Variants in GOLM2 observed in about 807,000 individuals in gnomAD.
The protein encoded by GOLM2 is golgi membrane protein 2.
Under a neutral mutation model 55.9 loss-of-function variants are expected in GOLM2, and 26 were observed. That is an observed-to-expected ratio of 0.47 (90% CI 0.34 to 0.65). The LOEUF is 0.65. Among genes scored for constraint, GOLM2 ranks in the 30% least tolerant of loss-of-function variants. GOLM2 has a pLI of 0.01. For missense variants in GOLM2, 486 were observed against 531.8 expected, an observed-to-expected ratio of 0.91 and a Z score of 0.85; for synonymous variants, 165 against 194.6, an observed-to-expected ratio of 0.85 and a Z score of 1.27.
At chr15:44,366,419 A>G (rs927967795) in intron 6 of GOLM2, among the ~76,000 whole-genome samples, 1 of 152,034 alleles carries the variant, frequency 6.6e-6, no homozygotes, top group African/African-American at 2.4e-5. Context: ...AGGCAGGAGG[A>G]TCGCTTGAGT....
chr15:44,409,905 G>C (rs931099671), intron 9 of GOLM2: 6 of 139,720 alleles, frequency 4.3e-5, no homozygotes, highest in African/African-American at 1.3e-4. Context: ...AACAGAGCAA[G>C]ACTTCGTCTA....
intron 1 of GOLM2, among the ~76,000 whole-genome samples, chr15:44,315,177 G>C (rs1176853497): frequency 6.6e-6 from 1 of 152,162 alleles, no homozygotes; most frequent in African/African-American, 2.4e-5. Flanking sequence ...AGCCAGGTTT[G>C]GCAGTTATGT....
chr15:44,407,236 T>C lies in GOLM2; in HGVS notation c.1240+4182T>C, dbSNP rs1405566937. Among the ~76,000 whole-genome samples, 3 of 147,082 alleles carry C rather than the reference T, an allele frequency of 2.0e-5. No homozygotes were observed. In the Admixed American group the frequency reaches 2.1e-4, roughly 10 times the overall value. ...TTATATATTTAATATATTTATATTA[T>C]AATTTATGATATATTTATATTATAT... On this transcript the variant is annotated intron_variant, in intron 9 of 9. Coordinates refer to ENST00000299957, the MANE Select transcript of GOLM2 (RefSeq NM_138423.4).
At chr15:44,401,513 A>G (rs1310173761) in intron 8 of GOLM2, among the ~76,000 whole-genome samples, 2 of 152,158 alleles carry the variant, frequency 1.3e-5, no homozygotes, top group Non-Finnish European at 2.9e-5. Flanking sequence ...TGGCCTCCCA[A>G]AGTACTGCTA....
At position 44,413,517 on chromosome 15, in the gene GOLM2, T is replaced by C; in HGVS notation, c.*111T>C. On this transcript the variant is annotated 3_prime_UTR_variant, in exon 10 of 10. Transcript: ENST00000299957. ...GAATTGTATCAGTTGTAAAGATACA[T>C]TGAGATAGAATTAAGGAAAAACTTT... The C allele has an allele frequency of 5.2e-6, 4 of 763,884 alleles. No homozygotes were observed. The South Asian group carries it at 7.1e-5, about 13-fold the overall frequency. The allele number at this position is 763,884 out of a possible 1,614,324, so 47.3% of individuals were successfully genotyped here.
At chr15:44,395,805 A>T (rs967678730) in intron 8 of GOLM2, among the ~76,000 whole-genome samples, 3 of 152,052 alleles carry the variant, frequency 2.0e-5, no homozygotes, top group Non-Finnish European at 4.4e-5. Context: ...ACGCTACTGC[A>T]CTCCAGCCTG....
intron 6 of GOLM2, among the ~76,000 whole-genome samples, chr15:44,360,366 A>C (rs1373346264): frequency 6.6e-6 from 1 of 152,216 alleles, no homozygotes; most frequent in African/African-American, 2.4e-5. Flanking sequence ...AGATCTACCA[A>C]GCAAATGGAA....
At chr15:44,367,943 C>G (rs1369045032) in intron 6 of GOLM2, among the ~76,000 whole-genome samples, 3 of 151,762 alleles carry the variant, frequency 2.0e-5, no homozygotes, top group African/African-American at 7.3e-5. Context: ...TCAATTTGAC[C>G]AAGATATGCC....
chr15:44,388,838 C>T lies in GOLM2; in HGVS notation c.1072+7862C>T, dbSNP rs369251893. 4.5e-3 allele frequency among the ~76,000 whole-genome samples: 677 copies of T among 151,526 alleles called. 3 individuals carry two copies. Among genetic ancestry groups the T allele is most frequent in the African/African-American group, 0.016 (642 of 41,292 alleles). On this transcript the variant is annotated intron_variant, in intron 8 of 9. Coordinates refer to ENST00000299957, the MANE Select transcript of GOLM2 (RefSeq NM_138423.4). ...GAAAATTCATTTTTTTTTTTTTAGA[C>T]GGAGTCTCGGTCTGTCGCCCGTGCT...
At chr15:44,298,181 CT>C (rs2078771116) in intron 1 of GOLM2, among the ~76,000 whole-genome samples, 1 of 151,676 alleles carries the variant, frequency 6.6e-6, no homozygotes, top group Non-Finnish European at 1.5e-5. Context: ...TTCTACCAAT[CT>C]TTTATCCAGC....
At chr15:44,310,477 T>G (rs2078866955) in intron 1 of GOLM2, among the ~76,000 whole-genome samples, 1 of 140,776 alleles carries the variant, frequency 7.1e-6, no homozygotes, top group South Asian at 2.2e-4. Context: ...TATGTATATA[T>G]ATATATATAT....
intron 8 of GOLM2, among the ~76,000 whole-genome samples, chr15:44,391,303 G>A (rs572077513): frequency 4.6e-5 from 7 of 151,822 alleles, no homozygotes; most frequent in South Asian, 2.1e-4. Context: ...TCACGAGGTC[G>A]GGAGATCGAG....
intron 6 of GOLM2, among the ~76,000 whole-genome samples, chr15:44,378,766 T>A (rs966443163): frequency 2.9e-4 from 44 of 151,918 alleles, no homozygotes; most frequent in African/African-American, 9.4e-4. Context: ...ATTTATTTAT[T>A]TGAGATGAAG....
intron 9 of GOLM2, among the ~76,000 whole-genome samples, chr15:44,406,096 T>C (rs1048740512): frequency 1.3e-5 from 2 of 152,052 alleles, no homozygotes; most frequent in Non-Finnish European, 2.9e-5. Flanking sequence ...AGGCAGAACA[T>C]AGAGTAGAAA....
chr15:44,333,057 C>A (rs549008636), intron 4 of GOLM2, among the ~76,000 whole-genome samples: 1 of 152,206 alleles, frequency 6.6e-6, no homozygotes, highest in South Asian at 2.1e-4. Context: ...CTCAGCCTCC[C>A]GAGTAGCTCG....
chr15:44,356,234 G>T (rs1162576123), intron 6 of GOLM2, among the ~76,000 whole-genome samples: 1 of 149,502 alleles, frequency 6.7e-6, no homozygotes, highest in African/African-American at 2.5e-5. Context: ...TAAAAAATTA[G>T]AACAGAAGTC....
chr15:44,412,148 CAG>C (rs766561073), intron 9 of GOLM2, among the ~76,000 whole-genome samples: 10 of 152,058 alleles, frequency 6.6e-5, no homozygotes, highest in Non-Finnish European at 1.2e-4. Context: ...GCCTGGCCAA[CAG>C]AGCAAGATTC....
chr15:44,380,806 A>G lies in GOLM2; in HGVS notation c.902A>G (p.Asp301Gly). Residue 301 changes from aspartate (D) to glycine (G), a missense_variant and splice_region_variant, in exon 8 of 10, where the codon GAT (aspartate) becomes GGT (glycine). Coordinates refer to ENST00000299957, the MANE Select transcript of GOLM2 (RefSeq NM_138423.4). ...GQPLSPNMPP[D>G]SHINHNGNPG... ...TTAATTTGATGTTTTTATGCCACAG[A>G]TTCACACATAAACCACAATGGAAAC... The G allele has an allele frequency of 3.3e-6, 5 of 1,501,500 alleles. No homozygotes were observed. Among genetic ancestry groups the G allele is most frequent in the African/African-American group, 1.4e-5 (1 of 71,198 alleles). 93.0% of individuals were successfully genotyped at this position (1,501,500 alleles called of 1,614,324 possible).
intron 6 of GOLM2, among the ~76,000 whole-genome samples, chr15:44,361,539 T>C (rs887555161): frequency 4.6e-5 from 7 of 152,124 alleles, no homozygotes; most frequent in African/African-American, 1.7e-4. Flanking sequence ...GGAGCTGAAA[T>C]TGTGGCAATA....
Sources: allele counts gnomAD v4.1 joint callset (sites outside exome capture counted in the v4.1 genomes callset), GRCh38; gene constraint gnomAD v4.1.1; transcripts MANE v1.5; gene names NCBI Gene and HGNC (gene_info 2026-07-23, HGNC 2026-07-21).